The following FARSB variants were observed in gnomAD, a reference collection of about 807,000 sequenced individuals.
FARSB encodes phenylalanyl-tRNA synthetase subunit beta.
A neutral mutation model predicts 69.6 loss-of-function variants in FARSB; 40 were observed. That is an observed-to-expected ratio of 0.57 (90% confidence interval 0.45 to 0.75). The LOEUF is 0.75. FARSB is among the 30% of genes least tolerant of loss of function. The pLI, the probability that FARSB is intolerant of heterozygous loss-of-function variation, is 0.00. For missense variants in FARSB, 632 were observed against 722.9 expected, an observed-to-expected ratio of 0.87 and a Z score of 1.44; for synonymous variants, 235 against 247.2, an observed-to-expected ratio of 0.95 and a Z score of 0.46.
At chr2:222,594,440 T>G (rs969104759) in intron 16 of FARSB, among the ~76,000 whole-genome samples, 3 of 152,192 alleles carry the variant, frequency 2.0e-5, no homozygotes, top group Non-Finnish European at 4.4e-5. Flanking sequence ...AAATTTAACT[T>G]AAAAATTTTG....
chr2:222,650,416 C>CGATAGTGA (rs1692003742), intron 1 of FARSB, among the ~76,000 whole-genome samples: 4 of 151,864 alleles, frequency 2.6e-5, no homozygotes, highest in Admixed American at 2.6e-4. Flanking sequence ...AGTACAGATG[C>CGATAGTGA]GATAGTGAAG....
At chr2:222,598,434 T>G (rs1332893582) in intron 16 of FARSB, among the ~76,000 whole-genome samples, 1 of 152,236 alleles carries the variant, frequency 6.6e-6, no homozygotes, top group Non-Finnish European at 1.5e-5. Context: ...CCACAAGCTA[T>G]GCTCTCATTT....
At chr2:222,578,378 G>C (rs2106177472) in intron 16 of FARSB, among the ~76,000 whole-genome samples, 1 of 152,284 alleles carries the variant, frequency 6.6e-6, no homozygotes, top group Admixed American at 6.5e-5. Context: ...GCTAATTAAG[G>C]AAAGAATGGA....
chr2:222,640,921 G>T lies in FARSB; in HGVS notation c.280C>A (p.Pro94Thr). ...LQVFKERIKA[P>T]VYKRVMPDGK... Reference sequence around the variant, plus strand: ...TCAGGCATTACCCGTTTATACACTGGAGCCTTTATCCTAAAATAATATTTA... The same window carrying T: ...TCAGGCATTACCCGTTTATACACTGTAGCCTTTATCCTAAAATAATATTTA... Residue 94 changes from proline (P) to threonine (T), a missense_variant, in exon 4 of 17, where the codon CCA (proline) becomes ACA (threonine). By Grantham distance (38) the Pro-to-Thr change is conservative. Transcript: ENST00000281828. 1 of 1,498,722 alleles carries T rather than the reference G, an allele frequency of 6.7e-7. No individual in the cohort carries two copies. The highest frequency in any genetic ancestry group is 9.2e-7 in the Non-Finnish European group (1 of 1,091,248). 92.8% of individuals were successfully genotyped at this position (1,498,722 alleles called of 1,614,324 possible).
At chr2:222,582,913 A>C (rs2106181811) in intron 16 of FARSB, among the ~76,000 whole-genome samples, 1 of 152,042 alleles carries the variant, frequency 6.6e-6, no homozygotes, top group Non-Finnish European at 1.5e-5. Flanking sequence ...AGACAGAGCA[A>C]GACTATGTCT....
chr2:222,578,635 G>A (rs1689892332), intron 16 of FARSB, among the ~76,000 whole-genome samples: 1 of 152,126 alleles, frequency 6.6e-6, no homozygotes, highest in African/African-American at 2.4e-5. Context: ...TCAGGAGATC[G>A]AGACCATCCT....
intron 16 of FARSB, among the ~76,000 whole-genome samples, chr2:222,585,603 C>T (rs998107117): frequency 2.6e-5 from 4 of 152,124 alleles, no homozygotes; most frequent in African/African-American, 4.8e-5. Flanking sequence ...TCGAACACAT[C>T]GCAAAGAAGC....
In FARSB at chr2:222,619,675, G is replaced by A. The variant is rs1691092060; in HGVS notation, c.1314C>T (p.His438=). ...ATTCAGCTGTTTTAGGATTACTTAT[G>A]TGGACTGCCTTTGTTGCAGAGATAT... ...GVDISATKAV[H]ISNPKTAEFQ... Residue 438 remains histidine (H), a synonymous_variant, in exon 14 of 17, where the codon CAC becomes CAT. Coordinates refer to ENST00000281828, the MANE Select transcript of FARSB (RefSeq NM_005687.5). 2 of 1,605,062 alleles carry A rather than the reference G, an allele frequency of 1.2e-6. No homozygotes were observed. Among genetic ancestry groups the A allele is most frequent in the Non-Finnish European group, 1.7e-6 (2 of 1,172,362 alleles).
At chr2:222,654,353 T>C (rs923933368) in intron 1 of FARSB, among the ~76,000 whole-genome samples, 2 of 152,192 alleles carry the variant, frequency 1.3e-5, no homozygotes, top group African/African-American at 4.8e-5. Context: ...AAGTATTCCA[T>C]AAAATTAACT....
intron 10 of FARSB, among the ~76,000 whole-genome samples, chr2:222,627,077 G>A (rs1487851868): frequency 6.6e-6 from 1 of 152,068 alleles, no homozygotes; most frequent in Non-Finnish European, 1.5e-5. Flanking sequence ...ACTTTTCTCT[G>A]GCATTATTTT....
intron 16 of FARSB, among the ~76,000 whole-genome samples, chr2:222,595,730 C>T (rs1690393529): frequency 6.6e-6 from 1 of 152,102 alleles, no homozygotes; most frequent in African/African-American, 2.4e-5. Context: ...AAAGCCCATA[C>T]ATTCTACAAG....
chr2:222,620,781 G>A (rs1430661222), intron 13 of FARSB, among the ~76,000 whole-genome samples: 1 of 152,162 alleles, frequency 6.6e-6, no homozygotes, highest in Non-Finnish European at 1.5e-5. Context: ...TGTTCATTAT[G>A]CTGTTCTACA....
intron 16 of FARSB, among the ~76,000 whole-genome samples, chr2:222,574,925 A>T (rs1689799745): frequency 6.6e-6 from 1 of 152,252 alleles, no homozygotes; most frequent in Non-Finnish European, 1.5e-5. Flanking sequence ...TTACATGTAA[A>T]CTAGAAATAC....
chr2:222,631,174 G>A (rs576196948), intron 8 of FARSB, among the ~76,000 whole-genome samples: 92 of 149,278 alleles, frequency 6.2e-4, no homozygotes, highest in African/African-American at 2.2e-3. Context: ...CTTCTTCATC[G>A]CCAGTTCCTT....
chr2:222,597,839 T>A (rs917069795), intron 16 of FARSB, among the ~76,000 whole-genome samples: 2 of 152,184 alleles, frequency 1.3e-5, no homozygotes, highest in African/African-American at 2.4e-5. Flanking sequence ...TGCTGCTAAA[T>A]TAATCCTTTT....
intron 16 of FARSB, 89 bp downstream of exon 16, chr2:222,599,839 C>G (rs1690514918): frequency 9.4e-7 from 1 of 1,065,362 alleles, no homozygotes; most frequent in Non-Finnish European, 1.3e-6. Context: ...TTCTAAAATC[C>G]CAAATCAAAA....
chr2:222,582,605 AATAG>A (rs1176590246), intron 16 of FARSB, among the ~76,000 whole-genome samples: 2 of 152,164 alleles, frequency 1.3e-5, no homozygotes, highest in Non-Finnish European at 2.9e-5. Flanking sequence ...ATGATAGATA[AATAG>A]ATAAACAGAA....
intron 15 of FARSB, among the ~76,000 whole-genome samples, chr2:222,607,323 C>G (rs1427857721): frequency 6.6e-6 from 1 of 152,064 alleles, no homozygotes; most frequent in Admixed American, 6.5e-5. Flanking sequence ...TATAAAGGTA[C>G]AAGGACATTT....
At chr2:222,645,982 T>C (rs1415507869) in intron 2 of FARSB, among the ~76,000 whole-genome samples, 1 of 152,158 alleles carries the variant, frequency 6.6e-6, no homozygotes, top group African/African-American at 2.4e-5. Context: ...AAGGCCAAAG[T>C]TCTCCTGTAA....
Sources: allele counts gnomAD v4.1 joint callset (sites outside exome capture counted in the v4.1 genomes callset), GRCh38; gene constraint gnomAD v4.1.1; transcripts MANE v1.5; gene names NCBI Gene and HGNC (gene_info 2026-07-23, HGNC 2026-07-21).